Variants in TTC28 observed in about 807,000 individuals in gnomAD.
TTC28 encodes tetratricopeptide repeat domain 28, also known as tetratricopeptide repeat protein 28.
A neutral mutation model predicts 198.0 loss-of-function variants in TTC28; 61 were observed. The ratio of observed to expected loss-of-function variants is 0.31; its 90% CI spans 0.25 to 0.38. TTC28 has a LOEUF of 0.38. Ranked by LOEUF, TTC28 falls within the 10% of genes least tolerant of loss-of-function variation. The pLI is 1.00. For synonymous variants in TTC28, 1,171 were observed against 1,297.8 expected (o/e 0.90, Z 2.10); for missense variants, 2,678 against 3,164.0 (o/e 0.85, Z 3.69).
chr22:28,331,091 C>A (rs541419070), intron 2 of TTC28, among the ~76,000 whole-genome samples: 13 of 152,226 alleles, frequency 8.5e-5, no homozygotes, highest in African/African-American at 2.9e-4. Context: ...AACTGAAATT[C>A]ATTGGTAAAC....
In TTC28 at chr22:28,154,739, A is replaced by T. The variant is rs1943713587; in HGVS notation, c.1441+8353T>A. ...ATAGAAAATAGCTAGGCTACACTTT[A>T]TTGTTCCTAAGAAATCTAAAGACTT... On this transcript the variant is annotated intron_variant, in intron 6 of 22. Transcript: ENST00000397906. Among the ~76,000 whole-genome samples the T allele has an allele frequency of 2.6e-5, 4 of 152,300 alleles. No individual in the cohort carries two copies. In the South Asian group the frequency reaches 8.3e-4, roughly 32 times the overall value.
intron 2 of TTC28, among the ~76,000 whole-genome samples, chr22:28,461,837 C>G (rs1004630359): frequency 2.0e-5 from 3 of 152,148 alleles, no homozygotes; most frequent in African/African-American, 7.2e-5. Flanking sequence ...GCTCTCTTCT[C>G]TGTCTTTCCC....
intron 2 of TTC28, among the ~76,000 whole-genome samples, chr22:28,462,997 A>G (rs1207873582): frequency 6.6e-6 from 1 of 152,262 alleles, no homozygotes; most frequent in Non-Finnish European, 1.5e-5. Flanking sequence ...TTAAATGCCC[A>G]TAATTTGATA....
intron 5 of TTC28, among the ~76,000 whole-genome samples, chr22:28,198,091 A>T (rs961390849): frequency 6.6e-6 from 1 of 152,208 alleles, no homozygotes; most frequent in Admixed American, 6.5e-5. Context: ...TCGTCAGAAC[A>T]AATCAAAAGT....
chr22:28,374,131 A>G (rs1406052737), intron 2 of TTC28, among the ~76,000 whole-genome samples: 4 of 152,226 alleles, frequency 2.6e-5, no homozygotes, highest in African/African-American at 9.6e-5. Context: ...GGAAAGCTTT[A>G]TACTGAAAAG....
At chr22:28,447,814 T>C (rs1316430505) in intron 2 of TTC28, among the ~76,000 whole-genome samples, 2 of 152,212 alleles carry the variant, frequency 1.3e-5, no homozygotes, top group Non-Finnish European at 2.9e-5. Context: ...GTTTTCAATT[T>C]TTTAGGTATA....
At chr22:28,454,186 G>A (rs893020922) in intron 2 of TTC28, among the ~76,000 whole-genome samples, 1 of 152,102 alleles carries the variant, frequency 6.6e-6, no homozygotes, top group Admixed American at 6.5e-5. Flanking sequence ...ACTTTAGTTT[G>A]TCTTCTTCAA....
rs568407413 is a variant in TTC28, at chr22:28,374,861, TA to T, written c.382-68219del. Among the ~76,000 whole-genome samples, 712 of 151,896 alleles carry T rather than the reference TA, an allele frequency of 4.7e-3. 1 individual carries two copies. Among genetic ancestry groups the T allele is most frequent in the Non-Finnish European group, 8.4e-3 (573 of 67,940 alleles). Reference sequence around the variant, plus strand: ...CATGCTCAGCTAATTTTTTTTTTAATATTTTTTTTAGTAGAGATGGGGTTTT... The same window carrying T: ...CATGCTCAGCTAATTTTTTTTTTAATTTTTTTTTAGTAGAGATGGGGTTTT... On this transcript the variant is annotated intron_variant, in intron 2 of 22. Transcript: ENST00000397906.
intron 5 of TTC28, among the ~76,000 whole-genome samples, chr22:28,261,543 C>T (rs1601544670): frequency 6.6e-6 from 1 of 152,110 alleles, no homozygotes; most frequent in South Asian, 2.1e-4. Flanking sequence ...AGCAAAGAGG[C>T]GTACTCTGTC....
Position 28,508,683 on chromosome 22 carries a change from C to G in TTC28, c.381+120869G>C, listed in dbSNP as rs192585605. Among the ~76,000 whole-genome samples the G allele has an allele frequency of 5.1e-4, 77 of 152,256 alleles. 3 individuals are homozygous for G. The East Asian group carries it at 0.012, about 24-fold the overall frequency. On this transcript the variant is annotated intron_variant, in intron 2 of 22. Coordinates refer to ENST00000397906, the MANE Select transcript of TTC28 (RefSeq NM_001145418.2). ...AATTCAACAAGAAGAGCTAACTATC[C>G]TAAATACATATGCACCAATACAGGA...
At chr22:28,197,972 A>T (rs79020265) in intron 5 of TTC28, among the ~76,000 whole-genome samples, 2,972 of 152,238 alleles carry the variant, frequency 0.02, 113 homozygotes, top group East Asian at 0.15. Flanking sequence ...TTCAAACAGC[A>T]AAGTGCAAAA....
intron 2 of TTC28, among the ~76,000 whole-genome samples, chr22:28,358,635 T>C (rs945103058): frequency 2.0e-5 from 3 of 152,210 alleles, no homozygotes; most frequent in African/African-American, 4.8e-5. Flanking sequence ...AGCAAAGCCT[T>C]GTCCTAAGCC....
chr22:28,504,914 G>A (rs1172262415), intron 2 of TTC28, among the ~76,000 whole-genome samples: 1 of 151,760 alleles, frequency 6.6e-6, no homozygotes, highest in East Asian at 1.9e-4. Flanking sequence ...ATATATATTT[G>A]AAATTTTTCA....
intron 1 of TTC28, among the ~76,000 whole-genome samples, chr22:28,645,276 G>A (rs1293408656): frequency 1.3e-5 from 2 of 151,986 alleles, no homozygotes; most frequent in East Asian, 1.9e-4. Flanking sequence ...TATCCCTGAC[G>A]AACACAGATG....
chr22:28,067,581 A>G (rs1940809351), intron 12 of TTC28, among the ~76,000 whole-genome samples: 1 of 152,198 alleles, frequency 6.6e-6, no homozygotes, highest in South Asian at 2.1e-4. Flanking sequence ...CGTGACATCT[A>G]CAAACCTACG....
intron 12 of TTC28, among the ~76,000 whole-genome samples, chr22:28,077,475 T>C (rs1413873786): frequency 6.6e-6 from 1 of 152,172 alleles, no homozygotes; most frequent in Non-Finnish European, 1.5e-5. Context: ...CTTCCGATGG[T>C]CATGACAAGC....
At chr22:28,521,850 G>A (rs554833588) in intron 2 of TTC28, among the ~76,000 whole-genome samples, 1 of 152,192 alleles carries the variant, frequency 6.6e-6, no homozygotes, top group Admixed American at 6.5e-5. Flanking sequence ...GAGGAGACGG[G>A]AATTGGAATT....
intron 5 of TTC28, among the ~76,000 whole-genome samples, chr22:28,179,101 A>G (rs142116360): frequency 9.2e-5 from 14 of 152,242 alleles, no homozygotes; most frequent in African/African-American, 2.9e-4. Flanking sequence ...AATAATGACT[A>G]ATTAGAATAC....
chr22:28,151,688 G>C (rs1234821015), intron 6 of TTC28, among the ~76,000 whole-genome samples: 1 of 152,144 alleles, frequency 6.6e-6, no homozygotes, highest in African/African-American at 2.4e-5. Context: ...CTGGTGCTTG[G>C]TCAGAAAAAT....
Sources: gnomAD v4.1 joint callset for allele counts (sites outside exome capture counted in the v4.1 genomes callset) on GRCh38, gnomAD v4.1.1 for gene constraint, MANE v1.5 for transcripts, NCBI Gene and HGNC (gene_info 2026-07-23, HGNC 2026-07-21) for gene names.